CDK5RAP1: variants seen among roughly 807,000 people sequenced by gnomAD.
CDK5RAP1 encodes the protein mitochondrial tRNA methylthiotransferase CDK5RAP1.
CDK5RAP1 carries 62 observed loss-of-function variants against 64.5 expected under a neutral mutation model. The observed-to-expected ratio is 0.96, with a 90% CI of 0.78 to 1.19. The LOEUF (loss-of-function observed/expected upper bound fraction) is 1.19. Ranked by LOEUF, CDK5RAP1 falls within the 50% of genes most tolerant of loss-of-function variation. CDK5RAP1 has a pLI of 0.00. For synonymous variants in CDK5RAP1, 250 were observed against 261.9 expected (o/e 0.95, Z 0.44); for missense variants, 657 against 735.0 (o/e 0.89, Z 1.23).
At chr20:33,391,569 C>A (rs989534488) in intron 5 of CDK5RAP1, among the ~76,000 whole-genome samples, 6 of 151,544 alleles carry the variant, frequency 4.0e-5, no homozygotes. Context: ...TGCCTATAAT[C>A]CCAACACTTT....
chr20:33,387,997 G>A (rs999543475), intron 5 of CDK5RAP1, among the ~76,000 whole-genome samples: 1 of 151,834 alleles, frequency 6.6e-6, no homozygotes. Context: ...GAACCCAGGA[G>A]GCAGAGGTTG....
chr20:33,375,711 T>C (rs1453135042), intron 8 of CDK5RAP1, among the ~76,000 whole-genome samples: 1 of 152,116 alleles, frequency 6.6e-6, no homozygotes, highest in Non-Finnish European at 1.5e-5. Flanking sequence ...ATATCACAGG[T>C]TTGGTTCCAG....
Position 33,370,521 on chromosome 20 carries a change from A to G in CDK5RAP1, c.1370T>C (p.Leu457Pro). 6.2e-7 allele frequency: 1 copy of G among 1,614,166 alleles called. No individual in the cohort carries two copies. The highest frequency in any genetic ancestry group is 8.5e-7 in the Non-Finnish European group (1 of 1,180,018). ...CACCTGTCTCATGCTGTAGGCAAAGAGGAAGCCCATGTTGTACTGAACTTC... is the reference window on the plus strand; with the variant it reads ...CACCTGTCTCATGCTGTAGGCAAAGGGGAAGCCCATGTTGTACTGAACTTC... ...LREVQYNMGF[L>P]FAYSMRQKTR... The change falls in exon 11 of 14, where the codon CTC becomes CCC. Residue 457 changes from leucine to proline, a missense_variant. Physicochemically the swap from Leu to Pro is moderately conservative, Grantham distance 98. Coordinates refer to ENST00000346416, the MANE Select transcript of CDK5RAP1 (RefSeq NM_016408.4).
upstream of CDK5RAP1, chr20:33,401,522 G>A (rs1010547312): frequency 7.1e-6 from 7 of 985,192 alleles, no homozygotes; most frequent in African/African-American, 7.0e-5. Context: ...TCATACACAA[G>A]CGACTTCCGT....
intron 2 of CDK5RAP1, among the ~76,000 whole-genome samples, chr20:33,395,532 T>A (rs934126254): frequency 6.6e-6 from 1 of 151,780 alleles, no homozygotes; most frequent in African/African-American, 2.4e-5. Context: ...CCCAGGAGAC[T>A]GAGGCTGCCG....
chr20:33,365,508 G>A (rs1214510865), intron 12 of CDK5RAP1, among the ~76,000 whole-genome samples: 1 of 146,420 alleles, frequency 6.8e-6, no homozygotes. Context: ...CTGACCTCAA[G>A]TGATCTACCC....
chr20:33,396,296 C>T (rs533260977), intron 2 of CDK5RAP1, among the ~76,000 whole-genome samples: 10 of 152,176 alleles, frequency 6.6e-5, no homozygotes, highest in Non-Finnish European at 1.3e-4. Flanking sequence ...CAGCTTCAAA[C>T]TATATTCCAA....
rs1366343114 is a variant in CDK5RAP1 at position 33,370,598 on chromosome 20, G to A, written c.1293C>T (p.Gly431=). Residue 431 remains glycine, a synonymous_variant, in exon 11 of 14, where the codon GGC becomes GGT. Transcript: ENST00000346416. The stretch of plus-strand genomic sequence containing the variant: ...GATCTTCCTCCGTCTCACCACAAAA[G>A]CCAGCAATGAAATCGCTGCTGAGGC... ...GVSLSSDFIA[G]FCGETEEDHV... The A allele has an allele frequency of 1.2e-6, 2 of 1,614,132 alleles. No individual in the cohort carries two copies. The highest frequency in any genetic ancestry group is 1.1e-5 in the South Asian group (1 of 91,076).
intron 5 of CDK5RAP1, among the ~76,000 whole-genome samples, chr20:33,390,756 C>T (rs1216807634): frequency 3.9e-5 from 6 of 152,102 alleles, no homozygotes; most frequent in Non-Finnish European, 5.9e-5. Context: ...CATCCTCCTG[C>T]GTCAATTACT....
chr20:33,393,139 A>G (rs536610063), intron 4 of CDK5RAP1, among the ~76,000 whole-genome samples: 87 of 152,134 alleles, frequency 5.7e-4, no homozygotes, highest in African/African-American at 2.0e-3. Flanking sequence ...TGGCCTCCCA[A>G]AGCGCTGGGA....
At chr20:33,377,360 T>C (rs538819949) in intron 8 of CDK5RAP1, among the ~76,000 whole-genome samples, 1 of 152,242 alleles carries the variant, frequency 6.6e-6, no homozygotes, top group Admixed American at 6.5e-5. Flanking sequence ...CTAGATCTTC[T>C]GGATAACTTG....
intron 12 of CDK5RAP1, among the ~76,000 whole-genome samples, chr20:33,365,462 G>A (rs868754208): frequency 6.6e-6 from 1 of 151,718 alleles, no homozygotes; most frequent in South Asian, 2.1e-4. Context: ...AGTAGAGACG[G>A]TGATTCACCA....
intron 7 of CDK5RAP1, 149 bp from the exon 8 acceptor site, chr20:33,379,840 G>A: frequency 1.6e-6 from 1 of 614,802 alleles, no homozygotes; most frequent in Non-Finnish European, 2.8e-6. Context: ...AGTGTGTTGT[G>A]TCTATAACCG....
At chr20:33,391,847 C>G (rs1988362558) in intron 5 of CDK5RAP1, among the ~76,000 whole-genome samples, 1 of 151,652 alleles carries the variant, frequency 6.6e-6, no homozygotes, top group African/African-American at 2.4e-5. Context: ...GAAATTCAAG[C>G]TGTCCCTTCA....
intron 3 of CDK5RAP1, among the ~76,000 whole-genome samples, chr20:33,394,397 C>T (rs766978334): frequency 1.3e-5 from 2 of 152,070 alleles, no homozygotes; most frequent in African/African-American, 2.4e-5. Context: ...AGTGATTCAC[C>T]TGCCTTGGTC....
intron 3 of CDK5RAP1, 45 bp from the exon 4 acceptor site, chr20:33,394,111 G>T: frequency 1.5e-6 from 2 of 1,307,990 alleles, no homozygotes; most frequent in Non-Finnish European, 2.2e-6. Flanking sequence ...ATAATATCTT[G>T]GATATTAGCC....
At chr20:33,372,796 T>C (rs569331383) in intron 9 of CDK5RAP1, 99 bp from the exon 10 acceptor site, 24 of 790,374 alleles carry the variant, frequency 3.0e-5, no homozygotes, top group Middle Eastern at 2.3e-4. Flanking sequence ...TGTAATCACT[T>C]CTCATCCACA....
intron 5 of CDK5RAP1, among the ~76,000 whole-genome samples, chr20:33,389,711 A>C (rs560233752): frequency 6.6e-6 from 1 of 152,352 alleles, no homozygotes; most frequent in African/African-American, 2.4e-5. Flanking sequence ...AGGTGTACAC[A>C]ACAGCTCATT....
intron 5 of CDK5RAP1, among the ~76,000 whole-genome samples, chr20:33,388,958 TG>T (rs1459503939): frequency 6.6e-6 from 1 of 152,174 alleles, no homozygotes; most frequent in Admixed American, 6.5e-5. Context: ...TGCAGTGGCG[TG>T]ACCTCCGCTC....
Sources: allele counts gnomAD v4.1 joint callset (sites outside exome capture counted in the v4.1 genomes callset), GRCh38; gene constraint gnomAD v4.1.1; transcripts MANE v1.5; gene names NCBI Gene and HGNC (gene_info 2026-07-23, HGNC 2026-07-21).